The following TRHDE variants were observed in gnomAD, a reference collection of about 807,000 sequenced individuals.
The protein encoded by TRHDE is thyrotropin releasing hormone degrading enzyme.
A neutral mutation model predicts 125.7 loss-of-function variants in TRHDE; 72 were observed. The observed-to-expected ratio is 0.57, with a 90% CI of 0.47 to 0.70. The LOEUF (loss-of-function observed/expected upper bound fraction) is 0.70. Among genes scored for constraint, TRHDE ranks in the 30% least tolerant of loss-of-function variants. The pLI is 0.00. For missense variants in TRHDE, 1,110 were observed against 1,327.1 expected (o/e 0.84, Z 2.54); for synonymous variants, 509 against 509.1 (o/e 1.00, Z 0.00).
intron 2 of TRHDE, among the ~76,000 whole-genome samples, chr12:72,132,465 AAGAGTAC>A (rs921694297): frequency 6.6e-6 from 1 of 152,206 alleles, no homozygotes; most frequent in Admixed American, 6.5e-5. Context: ...TAAAAATTAA[AAGAGTAC>A]AGCCTCAAGA....
chr12:72,133,522 A>G lies in TRHDE; in HGVS notation n.279+27770A>G, dbSNP rs1875912906. 2.0e-5 allele frequency among the ~76,000 whole-genome samples: 3 copies of G among 152,180 alleles called. No homozygotes were observed. In the South Asian group the frequency reaches 6.2e-4, roughly 32 times the overall value. On this transcript the variant is annotated intron_variant and non_coding_transcript_variant, in intron 2 of 4. Coordinates refer to the TRHDE transcript ENST00000548156. Reference sequence around the variant, plus strand: ...TATTATAAGATGCCTGGGCTAGAACATTAAGCACCCAACAGTTTTTCAGTA... The same window carrying G: ...TATTATAAGATGCCTGGGCTAGAACGTTAAGCACCCAACAGTTTTTCAGTA...
At chr12:72,592,704 CT>C (rs566429248) in intron 12 of TRHDE, among the ~76,000 whole-genome samples, 11 of 126,406 alleles carry the variant, frequency 8.7e-5, no homozygotes, top group African/African-American at 4.4e-4. Flanking sequence ...CTTTTCTTTT[CT>C]TTCTTTTTTT....
At chr12:72,171,651 A>G (rs1410772228) in intron 2 of TRHDE, among the ~76,000 whole-genome samples, 3 of 152,170 alleles carry the variant, frequency 2.0e-5, no homozygotes, top group African/African-American at 7.2e-5. Context: ...AGAAGGACCA[A>G]TGAGAGGGAT....
At chr12:72,361,142 T>A (rs1418675806) in intron 2 of TRHDE, among the ~76,000 whole-genome samples, 21 of 151,836 alleles carry the variant, frequency 1.4e-4, no homozygotes, top group Non-Finnish European at 1.5e-5. Flanking sequence ...TGTCTGTTTC[T>A]CCTTTTACTT....
At chr12:72,196,877 T>A (rs1392304519) in intron 2 of TRHDE, among the ~76,000 whole-genome samples, 4 of 152,028 alleles carry the variant, frequency 2.6e-5, no homozygotes, top group Non-Finnish European at 5.9e-5. Context: ...ATTGCCCCAT[T>A]TTTTGCCCCC....
At chr12:72,188,127 C>T (rs1286226452) in intron 2 of TRHDE, among the ~76,000 whole-genome samples, 1 of 152,128 alleles carries the variant, frequency 6.6e-6, no homozygotes, top group Non-Finnish European at 1.5e-5. Flanking sequence ...ATTTACACAG[C>T]AATGACATAT....
intron 3 of TRHDE, among the ~76,000 whole-genome samples, chr12:72,385,610 G>A (rs933601580): frequency 2.0e-5 from 3 of 151,906 alleles, no homozygotes; most frequent in East Asian, 1.9e-4. Flanking sequence ...CCACCAGATT[G>A]TATTCAAATG....
At chr12:72,204,364 A>C (rs919601042) in intron 2 of TRHDE, among the ~76,000 whole-genome samples, 4 of 152,128 alleles carry the variant, frequency 2.6e-5, no homozygotes, top group Admixed American at 6.5e-5. Context: ...AATTTACCTG[A>C]ATCTTCTCCT....
chr12:72,494,615 C>T (rs1877824519), intron 5 of TRHDE, among the ~76,000 whole-genome samples: 1 of 152,012 alleles, frequency 6.6e-6, no homozygotes, highest in African/African-American at 2.4e-5. Context: ...TTCCATCCAT[C>T]ACCAGTGACT....
chr12:72,421,211 T>G (rs1253940698), intron 3 of TRHDE, among the ~76,000 whole-genome samples: 3 of 152,178 alleles, frequency 2.0e-5, no homozygotes, highest in African/African-American at 4.8e-5. Context: ...TCAACCATTT[T>G]GTTACACTCA....
chr12:72,486,180 C>T (rs1172719724), intron 5 of TRHDE, among the ~76,000 whole-genome samples: 1 of 152,182 alleles, frequency 6.6e-6, no homozygotes, highest in Non-Finnish European at 1.5e-5. Flanking sequence ...TTCCCTGGGT[C>T]CAGGTTGCTG....
chr12:72,138,210 A>G (rs986453086), intron 2 of TRHDE, among the ~76,000 whole-genome samples: 50 of 152,136 alleles, frequency 3.3e-4, no homozygotes, highest in African/African-American at 1.1e-3. Context: ...CCCTGTCTCT[A>G]CTAAAATACA....
At chr12:72,615,843 G>A (rs2136073687) in intron 12 of TRHDE, among the ~76,000 whole-genome samples, 1 of 152,160 alleles carries the variant, frequency 6.6e-6, no homozygotes, top group East Asian at 1.9e-4. Flanking sequence ...AGTCATCCAG[G>A]GACCCAGGCA....
chr12:72,293,632 T>C (rs867591836), intron 2 of TRHDE, among the ~76,000 whole-genome samples: 17 of 152,334 alleles, frequency 1.1e-4, no homozygotes, highest in Middle Eastern at 3.4e-3. Flanking sequence ...CCCAAACTCA[T>C]AGGGAGTGAG....
At chr12:72,594,355 G>A (rs1252626170) in intron 12 of TRHDE, among the ~76,000 whole-genome samples, 3 of 151,708 alleles carry the variant, frequency 2.0e-5, no homozygotes, top group Admixed American at 1.3e-4. Flanking sequence ...TGACCACTTC[G>A]AGAAACCCCG....
At chr12:72,124,063 C>G (rs1007600702) in intron 2 of TRHDE, among the ~76,000 whole-genome samples, 1 of 152,086 alleles carries the variant, frequency 6.6e-6, no homozygotes, top group Non-Finnish European at 1.5e-5. Context: ...AAAATGTGCA[C>G]AGAACAACAA....
At chr12:72,604,588 G>A (rs1449102087) in intron 12 of TRHDE, among the ~76,000 whole-genome samples, 2 of 151,716 alleles carry the variant, frequency 1.3e-5, no homozygotes, top group African/African-American at 2.4e-5. Flanking sequence ...CAATATTGTT[G>A]AACTATATGT....
At chr12:72,200,817 C>T (rs1289836166) in intron 2 of TRHDE, among the ~76,000 whole-genome samples, 1 of 152,086 alleles carries the variant, frequency 6.6e-6, no homozygotes, top group Non-Finnish European at 1.5e-5. Flanking sequence ...AAAAAGTAAA[C>T]AAGCTTATAT....
intron 3 of TRHDE, among the ~76,000 whole-genome samples, chr12:72,451,081 C>A (rs761286528): frequency 6.6e-6 from 1 of 151,984 alleles, no homozygotes; most frequent in African/African-American, 2.4e-5. Context: ...CCGTTCTTTA[C>A]TTTGTTGATT....
Sources: gnomAD v4.1 joint callset for allele counts (sites outside exome capture counted in the v4.1 genomes callset) on GRCh38, gnomAD v4.1.1 for gene constraint, MANE v1.5 for transcripts, NCBI Gene and HGNC (gene_info 2026-07-23, HGNC 2026-07-21) for gene names.